Variants in TMEM177 observed in about 807,000 individuals in gnomAD.
TMEM177 encodes the protein transmembrane protein 177.
A neutral mutation model predicts 14.2 loss-of-function variants in TMEM177; 4 were observed. The observed-to-expected ratio is 0.28, with a 90% CI of 0.14 to 0.64. The LOEUF (loss-of-function observed/expected upper bound fraction) is 0.64. Among genes scored for constraint, TMEM177 ranks in the 30% least tolerant of loss-of-function variants. The pLI, the probability that TMEM177 is intolerant of heterozygous loss-of-function variation, is 0.82. For missense variants in TMEM177, 344 were observed against 405.2 expected (o/e 0.85, Z 1.30); for synonymous variants, 179 against 174.5 (o/e 1.03, Z -0.20).
chr2:119,697,536 G>T, the TMEM177 span, among the ~76,000 whole-genome samples: 1 of 152,048 alleles, frequency 6.6e-6, no homozygotes, highest in Non-Finnish European at 1.5e-5. Context: ...GCAACAGAGA[G>T]ACTCTATCTC....
the TMEM177 span, among the ~76,000 whole-genome samples, chr2:119,716,636 A>C: frequency 6.6e-6 from 1 of 152,198 alleles, no homozygotes; most frequent in South Asian, 2.1e-4. Flanking sequence ...AGAACCTTGG[A>C]AGGAGGAAAG....
chr2:119,681,957 C>T lies in TMEM177; in HGVS notation c.*168C>T, dbSNP rs878963472. The stretch of plus-strand genomic sequence containing the variant: ...TAACCACTACTTATGAACTCAGGGA[C>T]TATGAGGGACTATTCAGGGGCTATG... On this transcript the variant is annotated 3_prime_UTR_variant, in exon 2 of 2. Coordinates refer to ENST00000272521, the MANE Select transcript of TMEM177 (RefSeq NM_030577.3). 3.2e-6 allele frequency: 2 copies of T among 630,478 alleles called. No individual in the cohort carries two copies. Among genetic ancestry groups the T allele is most frequent in the East Asian group, 2.8e-5 (1 of 36,264 alleles). The allele number at this position is 630,478 out of a possible 1,614,324, so 39.1% of individuals were successfully genotyped here. A position where few individuals can be genotyped will look rare whatever the true frequency, so the allele number is the denominator to read the frequency against.
chr2:119,697,562 G>A, the TMEM177 span, among the ~76,000 whole-genome samples: 7 of 149,510 alleles, frequency 4.7e-5, no homozygotes, highest in Admixed American at 3.3e-4. Flanking sequence ...AAAACAAAAC[G>A]AAGTCCAGGC....
the TMEM177 span, among the ~76,000 whole-genome samples, chr2:119,705,862 GA>G: frequency 6.6e-6 from 1 of 151,448 alleles, no homozygotes; most frequent in East Asian, 1.9e-4. Context: ...CCTGTTGGGT[GA>G]CGAACAAACT....
the TMEM177 span, among the ~76,000 whole-genome samples, chr2:119,717,039 C>T: frequency 6.6e-6 from 1 of 152,160 alleles, no homozygotes; most frequent in Non-Finnish European, 1.5e-5. Flanking sequence ...CCGTCAGTTT[C>T]TCTTTATGGT....
At chr2:119,687,490 A>G (rs1689033469), downstream of TMEM177, among the ~76,000 whole-genome samples, 1 of 152,224 alleles carries the variant, frequency 6.6e-6, no homozygotes, top group African/African-American at 2.4e-5. Context: ...TTCACAGGGC[A>G]ACAGGAGAGA....
chr2:119,722,479 A>G, the TMEM177 span, among the ~76,000 whole-genome samples: 666 of 152,316 alleles, frequency 4.4e-3, 1 homozygote, highest in Middle Eastern at 0.01. Flanking sequence ...ACCATATATA[A>G]GAGAGAATGG....
At chr2:119,698,318 TG>T in the TMEM177 span, among the ~76,000 whole-genome samples, 4 of 152,250 alleles carry the variant, frequency 2.6e-5, no homozygotes, top group African/African-American at 9.6e-5. Context: ...CCTGCACAGT[TG>T]GGGGAAGAAA....
At chr2:119,719,323 T>C in the TMEM177 span, among the ~76,000 whole-genome samples, 1 of 152,224 alleles carries the variant, frequency 6.6e-6, no homozygotes, top group Non-Finnish European at 1.5e-5. Flanking sequence ...GTGTGGCTTC[T>C]TTCTAAACTT....
At chr2:119,717,777 TTTG>T in the TMEM177 span, among the ~76,000 whole-genome samples, 1,897 of 151,640 alleles carry the variant, frequency 0.013, 22 homozygotes, top group Non-Finnish European at 0.019. Context: ...CCCAGCTAAT[TTTG>T]TTGTTGTTGT....
At chr2:119,722,995 C>T in the TMEM177 span, among the ~76,000 whole-genome samples, 1 of 152,216 alleles carries the variant, frequency 6.6e-6, no homozygotes. Context: ...TCCTAGACTA[C>T]ACATCTATGC....
chr2:119,719,459 G>A, the TMEM177 span, among the ~76,000 whole-genome samples: 37 of 152,322 alleles, frequency 2.4e-4, no homozygotes, highest in Non-Finnish European at 3.7e-4. Flanking sequence ...TAAGCCAAGC[G>A]TGGGTGCTGC....
chr2:119,703,231 T>C, the TMEM177 span, among the ~76,000 whole-genome samples: 1 of 152,202 alleles, frequency 6.6e-6, no homozygotes, highest in South Asian at 2.1e-4. Flanking sequence ...TTTTGGGTGC[T>C]ACTCCTGACT....
At chr2:119,680,629 C>T (rs1487812088) in intron 1 of TMEM177, among the ~76,000 whole-genome samples, 5 of 152,166 alleles carry the variant, frequency 3.3e-5, no homozygotes, top group Admixed American at 6.5e-5. Context: ...TGGGCCATTA[C>T]GACACACCTG....
At chr2:119,684,540 T>A (rs5022958), downstream of TMEM177, among the ~76,000 whole-genome samples, 113,456 of 151,736 alleles carry the variant, frequency 0.75, 43,590 homozygotes, top group South Asian at 0.84. Flanking sequence ...ATAATATTTA[T>A]TTTTTGCAGT....
the TMEM177 span, among the ~76,000 whole-genome samples, chr2:119,694,053 G>A: frequency 0.23 from 1,102 of 4,814 alleles, 8 homozygotes; most frequent in Non-Finnish European, 0.28. Context: ...CACACATCAC[G>A]CACATGCAAC....
the TMEM177 span, among the ~76,000 whole-genome samples, chr2:119,692,214 G>A: frequency 6.6e-6 from 1 of 152,218 alleles, no homozygotes; most frequent in Non-Finnish European, 1.5e-5. Context: ...GGTGGCAGCT[G>A]GTGGGAAAAT....
the TMEM177 span, among the ~76,000 whole-genome samples, chr2:119,707,127 G>A: frequency 2.0e-5 from 3 of 151,986 alleles, no homozygotes; most frequent in African/African-American, 4.8e-5. Flanking sequence ...TAGCCAGGCT[G>A]GTCTCGAACT....
downstream of TMEM177, among the ~76,000 whole-genome samples, chr2:119,690,792 C>G (rs549185179): frequency 2.6e-5 from 4 of 152,260 alleles, no homozygotes; most frequent in Admixed American, 2.0e-4. Flanking sequence ...GAATTATGCT[C>G]GCTTTTACCC....
Sources: allele counts gnomAD v4.1 joint callset (sites outside exome capture counted in the v4.1 genomes callset), GRCh38; gene constraint gnomAD v4.1.1; transcripts MANE v1.5; gene names NCBI Gene and HGNC (gene_info 2026-07-23, HGNC 2026-07-21).